Variants in XXYLT1 observed in about 807,000 individuals in gnomAD.
XXYLT1 encodes xyloside xylosyltransferase 1.
In XXYLT1, 20 loss-of-function variants were observed where a neutral mutation model predicts 28.9. The ratio of observed to expected loss-of-function variants is 0.69; its 90% CI spans 0.49 to 1.00. The LOEUF (loss-of-function observed/expected upper bound fraction) is 1.00, where lower values mean the gene tolerates loss of function less well. Among genes scored for constraint, XXYLT1 ranks in the 50% least tolerant of loss-of-function variants. The pLI is 0.00. For missense variants in XXYLT1, 542 were observed against 560.1 expected (o/e 0.97, Z 0.33); for synonymous variants, 257 against 253.8 (o/e 1.01, Z -0.12).
intron 1 of XXYLT1, among the ~76,000 whole-genome samples, chr3:195,242,656 G>A (rs1724829227): frequency 6.6e-6 from 1 of 152,156 alleles, no homozygotes; most frequent in Admixed American, 6.5e-5. Context: ...AGGAGGTGGG[G>A]TCTGATCTGC....
intron 2 of XXYLT1, 49 bp downstream of exon 2, chr3:195,226,660 T>A: frequency 6.3e-7 from 1 of 1,590,418 alleles, no homozygotes; most frequent in Non-Finnish European, 8.6e-7. Context: ...GGGAAATGGA[T>A]GCAAAAGTCA....
At chr3:195,072,348 G>T (rs112524677) in intron 3 of XXYLT1, among the ~76,000 whole-genome samples, 13 of 152,192 alleles carry the variant, frequency 8.5e-5, no homozygotes, top group Non-Finnish European at 1.9e-4. Context: ...CTCCTAGCAA[G>T]TGGGGAGCAA....
At position 195,071,126 on chromosome 3, in the gene XXYLT1, A is replaced by G. The variant is rs561124275; in HGVS notation, c.786-1015T>C. Among the ~76,000 whole-genome samples the G allele has an allele frequency of 3.9e-5, 6 of 152,316 alleles. No homozygotes were observed. The East Asian group carries it at 1.2e-3, about 29-fold the overall frequency. ...GGGAGAGGCGTCCAAGCCCACACCC[A>G]CAGAGGAGGGGCCACAGCAATCGTG... On this transcript the variant is annotated intron_variant, in intron 3 of 3. Transcript: ENST00000310380.
chr3:195,137,016 C>T (rs542077815), intron 3 of XXYLT1, among the ~76,000 whole-genome samples: 2 of 152,280 alleles, frequency 1.3e-5, no homozygotes, highest in East Asian at 1.9e-4. Flanking sequence ...GCAACTCGTT[C>T]GAGTCCTAGG....
chr3:195,192,424 C>CAAAAAAAAAAAAA (rs1301489501), intron 2 of XXYLT1, among the ~76,000 whole-genome samples: 1 of 142,158 alleles, frequency 7.0e-6, no homozygotes, highest in African/African-American at 2.7e-5. Flanking sequence ...GACTCTGTCT[C>CAAAAAAAAAAAAA]AAGAAAAAAA....
intron 3 of XXYLT1, among the ~76,000 whole-genome samples, chr3:195,120,822 G>A (rs1718316380): frequency 6.6e-6 from 1 of 152,206 alleles, no homozygotes; most frequent in South Asian, 2.1e-4. Flanking sequence ...GAAGAGCACG[G>A]AGAGGGTGTG....
chr3:195,270,317 GA>G, intron 1 of XXYLT1: 1 of 987,966 alleles, frequency 1.0e-6, no homozygotes, highest in East Asian at 3.1e-5. Context: ...TGGGGGAGAG[GA>G]AAACGAGGCG....
At chr3:195,259,475 G>A in intron 1 of XXYLT1, 2 of 646,716 alleles carry the variant, frequency 3.1e-6, no homozygotes, top group Non-Finnish European at 1.9e-6. Context: ...TGGGAAGGCT[G>A]TGAGGAAGGG....
At chr3:195,074,624 G>A (rs967236936) in intron 3 of XXYLT1, among the ~76,000 whole-genome samples, 1 of 152,182 alleles carries the variant, frequency 6.6e-6, no homozygotes, top group African/African-American at 2.4e-5. Flanking sequence ...GTCCACCCAG[G>A]CCCAGAGGCT....
In XXYLT1 at chr3:195,257,368, G is replaced by A. The variant is rs1216217541; in HGVS notation, c.504+13187C>T. ...CTCATCCCCCAGCAGCTGGCAGAAG[G>A]GCCAGTGTCAGCTCGGCAGGAGCCA... On this transcript the variant is annotated intron_variant, in intron 1 of 3. Transcript: ENST00000310380. This position sits in a 1 kb window ranked among gnomAD's most constrained non-coding sequence, Gnocchi z 4.3. Among the ~76,000 whole-genome samples the A allele has an allele frequency of 6.6e-6, 1 of 152,222 alleles. No homozygotes were observed. The highest frequency in any genetic ancestry group is 1.5e-5 in the Non-Finnish European group (1 of 68,034).
At chr3:195,156,372 T>G in intron 3 of XXYLT1, 77 bp downstream of exon 3, 1 of 1,564,068 alleles carries the variant, frequency 6.4e-7, no homozygotes, top group Non-Finnish European at 8.6e-7. Flanking sequence ...AATCCCAATC[T>G]GTCACGGCTG....
chr3:195,087,730 G>C (rs936645269), intron 3 of XXYLT1, among the ~76,000 whole-genome samples: 1 of 152,202 alleles, frequency 6.6e-6, no homozygotes, highest in African/African-American at 2.4e-5. Flanking sequence ...CAGCGTGAGC[G>C]ACGCAGAAGA....
intron 3 of XXYLT1, among the ~76,000 whole-genome samples, chr3:195,101,682 C>T (rs779881683): frequency 9.3e-5 from 14 of 151,126 alleles, no homozygotes; most frequent in Non-Finnish European, 1.9e-4. Context: ...ACATCTGAGC[C>T]GGGTGCTGTG....
Position 195,150,717 on chromosome 3 carries a change from C to A in XXYLT1, c.785+5732G>T, listed in dbSNP as rs1395194773. Among the ~76,000 whole-genome samples, 5 of 152,120 alleles carry A rather than the reference C, an allele frequency of 3.3e-5. No homozygotes were observed. The highest frequency in any genetic ancestry group is 1.2e-4 in the African/African-American group (5 of 41,422). ...ACCAACAAGCTCCCATTCAGAGGATCCTCAGGCGGCCAGCTCCACAAAGTG... is the reference window on the plus strand; with the variant it reads ...ACCAACAAGCTCCCATTCAGAGGATACTCAGGCGGCCAGCTCCACAAAGTG... On this transcript the variant is annotated intron_variant, in intron 3 of 3. Transcript: ENST00000310380. The surrounding 1 kb of genome is among the most constrained non-coding windows in gnomAD (Gnocchi z 4.7).
chr3:195,249,374 C>T (rs866189223), intron 1 of XXYLT1, among the ~76,000 whole-genome samples: 1 of 152,214 alleles, frequency 6.6e-6, no homozygotes, highest in Non-Finnish European at 1.5e-5. Context: ...ATCAGGCATA[C>T]GGCTCACATC....
At chr3:195,081,602 G>C (rs1270104625) in intron 3 of XXYLT1, among the ~76,000 whole-genome samples, 2 of 152,178 alleles carry the variant, frequency 1.3e-5, no homozygotes, top group Non-Finnish European at 2.9e-5. Flanking sequence ...CTTAAATCCT[G>C]GTTCTCTGCA....
At chr3:195,225,242 C>G (rs978201992) in intron 2 of XXYLT1, among the ~76,000 whole-genome samples, 2 of 152,186 alleles carry the variant, frequency 1.3e-5, no homozygotes, top group African/African-American at 2.4e-5. Context: ...AGCTCGTCTC[C>G]TCTCTTCTTC....
intron 3 of XXYLT1, among the ~76,000 whole-genome samples, chr3:195,143,799 T>G (rs866137281): frequency 4.9e-5 from 5 of 102,490 alleles, no homozygotes; most frequent in Admixed American, 1.1e-4. Flanking sequence ...TATATATATA[T>G]AGATAGATAT....
chr3:195,173,317 G>C lies in XXYLT1; in HGVS notation c.653-16736C>G, dbSNP rs959778706. Among the ~76,000 whole-genome samples the C allele has an allele frequency of 5.9e-5, 9 of 152,152 alleles. No individual in the cohort carries two copies. The highest frequency in any genetic ancestry group is 3.2e-3 in the Middle Eastern group (1 of 316). On this transcript the variant is annotated intron_variant, in intron 2 of 3. Coordinates refer to ENST00000310380, the MANE Select transcript of XXYLT1 (RefSeq NM_152531.5). The surrounding 1 kb of genome is among the most constrained non-coding windows in gnomAD (Gnocchi z 4.3). Reference sequence around the variant, plus strand: ...CTCAAGGAAAGAAAATACCAGGAAGGCTCAGGGAAAGACGCAGCGTCTCCT... The same window carrying C: ...CTCAAGGAAAGAAAATACCAGGAAGCCTCAGGGAAAGACGCAGCGTCTCCT...
Sources: gnomAD v4.1 joint callset for allele counts (sites outside exome capture counted in the v4.1 genomes callset) on GRCh38, gnomAD v4.1.1 for gene constraint, Gnocchi (gnomAD v3.1) non-coding constraint, MANE v1.5 for transcripts, NCBI Gene and HGNC (gene_info 2026-07-23, HGNC 2026-07-21) for gene names.